GSTZ1: variants seen among roughly 807,000 people sequenced by gnomAD.
GSTZ1 encodes glutathione S-transferase zeta 1.
GSTZ1 carries 34 observed loss-of-function variants against 35.9 expected under a neutral mutation model. That is an observed-to-expected ratio of 0.95 (90% CI 0.72 to 1.26). GSTZ1 has a LOEUF of 1.26. Among genes scored for constraint, GSTZ1 ranks in the 50% most tolerant of loss-of-function variants. GSTZ1 has a pLI of 0.00. For missense variants in GSTZ1, 263 were observed against 271.7 expected, an observed-to-expected ratio of 0.97 and a Z score of 0.23; for synonymous variants, 93 against 101.2, an observed-to-expected ratio of 0.92 and a Z score of 0.49.
In GSTZ1 at chr14:77,324,892, G is replaced by A. The variant is rs776512156; in HGVS notation, c.38G>A (p.Arg13Gln). ...AGKPILYSYFRSSCSWRVRIA... is the reference protein window; with the variant it reads ...AGKPILYSYFQSSCSWRVRIA... Reference sequence around the variant, plus strand: ...CAGCCCATCCTCTATTCCTATTTCCGAAGCTCCTGCTCATGGAGAGTTCGA... The same window carrying A: ...CAGCCCATCCTCTATTCCTATTTCCAAAGCTCCTGCTCATGGAGAGTTCGA... The change falls in exon 2 of 9, where the codon CGA (arginine) becomes CAA (glutamine). Residue 13 changes from arginine (R) to glutamine (Q), a missense_variant. Physicochemically the swap from Arg to Gln is conservative, Grantham distance 43. Coordinates refer to ENST00000216465, the MANE Select transcript of GSTZ1 (RefSeq NM_145870.3). The A allele has an allele frequency of 2.4e-5, 38 of 1,613,920 alleles. No homozygotes were observed. Among genetic ancestry groups the A allele is most frequent in the South Asian group, 2.0e-4 (18 of 91,080 alleles).
At chr14:77,329,677 C>G (rs1368584934) in intron 6 of GSTZ1, 78 bp from the exon 7 acceptor site, 1 of 1,137,048 alleles carries the variant, frequency 8.8e-7, no homozygotes, top group African/African-American at 1.5e-5. Flanking sequence ...CATTTCATAA[C>G]TATGGAGGCC....
chr14:77,330,543 G>A (rs1266453388), intron 8 of GSTZ1, among the ~76,000 whole-genome samples, 184 bp downstream of exon 8: 4 of 152,096 alleles, frequency 2.6e-5, no homozygotes, highest in Admixed American at 6.6e-5. Context: ...CTCCTACTAC[G>A]CCCACCACAG....
chr14:77,330,047 G>A (rs1284090809), intron 7 of GSTZ1: 12 of 655,500 alleles, frequency 1.8e-5, no homozygotes, highest in Admixed American at 4.2e-5. Flanking sequence ...TGATGTCTGC[G>A]CAGTCAAGGC....
At chr14:77,325,049 G>GA (rs1452065088) in intron 2 of GSTZ1, 128 bp downstream of exon 2, 1 of 750,450 alleles carries the variant, frequency 1.3e-6, no homozygotes, top group African/African-American at 1.7e-5. Flanking sequence ...CCAGCAACCA[G>GA]CATCCCCCGG....
chr14:77,329,854 C>T (rs1395385326), intron 7 of GSTZ1, 47 bp downstream of exon 7: 9 of 1,425,412 alleles, frequency 6.3e-6, no homozygotes, highest in Non-Finnish European at 8.9e-6. Context: ...GTGGCTGCCT[C>T]CCTCATGCTG....
intron 1 of GSTZ1, 88 bp downstream of exon 1, chr14:77,321,271 C>G (rs1409211968): frequency 1.3e-6 from 2 of 1,523,844 alleles, no homozygotes; most frequent in African/African-American, 1.4e-5. Flanking sequence ...GCACCGCCCG[C>G]CCAGGCCGAC....
intron 5 of GSTZ1, 193 bp downstream of exon 5, chr14:77,328,230 C>T (rs1301700307): frequency 4.0e-5 from 24 of 606,960 alleles, no homozygotes; most frequent in Non-Finnish European, 4.6e-5. Context: ...GCGGGTCCCC[C>T]GCTGCGTTCC....
At chr14:77,329,265 G>C in intron 6 of GSTZ1, 64 bp downstream of exon 6, 6 of 1,070,842 alleles carry the variant, frequency 5.6e-6, no homozygotes, top group Non-Finnish European at 8.8e-6. Flanking sequence ...CTCGCACACA[G>C]GGGCCTGGGT....
At chr14:77,322,096 G>A (rs878961875) in intron 1 of GSTZ1, among the ~76,000 whole-genome samples, 1 of 152,156 alleles carries the variant, frequency 6.6e-6, no homozygotes, top group African/African-American at 2.4e-5. Flanking sequence ...TGGCACTAAG[G>A]AAGGTGGCAC....
Position 77,331,117 on chromosome 14 carries a change from G to A in GSTZ1, c.573G>A (p.Lys191=), listed in dbSNP as rs1352917639. ...TPYPTISSIN[K]RLLVLEAFQV... is the part of the protein sequence containing the mutation. Reference sequence around the variant, plus strand: ...ACCCTACCATCAGCTCCATCAACAAGAGGCTGCTGGTCTTGGAGGCCTTCC... The same window carrying A: ...ACCCTACCATCAGCTCCATCAACAAAAGGCTGCTGGTCTTGGAGGCCTTCC... Residue 191 remains lysine, a synonymous_variant, in exon 9 of 9, where the codon AAG becomes AAA. Coordinates refer to ENST00000216465, the MANE Select transcript of GSTZ1 (RefSeq NM_145870.3). 1 of 1,614,048 alleles carries A rather than the reference G, an allele frequency of 6.2e-7. No individual in the cohort carries two copies. Among genetic ancestry groups the A allele is most frequent in the Admixed American group, 1.7e-5 (1 of 60,028 alleles).
chr14:77,329,316 G>A (rs1892491117), intron 6 of GSTZ1, 115 bp downstream of exon 6: 3 of 764,622 alleles, frequency 3.9e-6, no homozygotes, highest in Non-Finnish European at 7.0e-6. Flanking sequence ...CCTGACAGTT[G>A]CATGGATGAG....
At position 77,324,882 on chromosome 14, in the gene GSTZ1, T is replaced by C. The variant is rs1304500654; in HGVS notation, c.28T>C (p.Ser10Pro). The change falls in exon 2 of 9, where the codon TCC becomes CCC. Residue 10 changes from serine (S) to proline (P), a missense_variant. Transcript: ENST00000216465. MQAGKPILY[S>P]YFRSSCSWRV... ...TCTCTCTCCTCAGCCCATCCTCTAT[T>C]CCTATTTCCGAAGCTCCTGCTCATG... The C allele has an allele frequency of 6.2e-7, 1 of 1,614,082 alleles. No homozygotes were observed.
At chr14:77,326,063 GC>G (rs1892299855) in intron 2 of GSTZ1, 1 of 152,368 alleles carries the variant, frequency 6.6e-6, no homozygotes, top group Admixed American at 6.5e-5. Context: ...TCATTCCTTT[GC>G]CCTTCCCTGA....
rs151221873 is a variant in GSTZ1, at chr14:77,327,901, C to T, written c.217-11C>T. ...GGCCCTCTCCCTGCCTCACTGCTCC[C>T]CTCTGGACAGCTGGCCATCATTGAG... is the stretch of plus-strand genomic sequence containing the variant. On this transcript the variant is annotated splice_polypyrimidine_tract_variant and intron_variant, in intron 4 of 8. Coordinates refer to ENST00000216465, the MANE Select transcript of GSTZ1 (RefSeq NM_145870.3). The T allele has an allele frequency of 1.2e-4, 189 of 1,613,776 alleles. 1 individual carries two copies. In the East Asian group the frequency reaches 3.2e-3, roughly 27 times the overall value.
chr14:77,324,800 G>C, intron 1 of GSTZ1, 70 bp from the exon 2 acceptor site: 1 of 1,455,868 alleles, frequency 6.9e-7, no homozygotes, highest in East Asian at 2.3e-5. Flanking sequence ...AGGAAGAAAT[G>C]GTTGACTCCT....
chr14:77,321,635 G>A (rs746846314), intron 1 of GSTZ1: 279 of 746,964 alleles, frequency 3.7e-4, no homozygotes, highest in Non-Finnish European at 4.8e-4. Context: ...TGTAATCCCA[G>A]CACTTTGGGA....
intron 2 of GSTZ1, chr14:77,326,125 C>G (rs559822653): frequency 1.3e-5 from 2 of 152,408 alleles, no homozygotes; most frequent in South Asian, 4.1e-4. Flanking sequence ...TACACACATG[C>G]ATGCACACGC....
chr14:77,324,152 CTTT>C (rs11287763), intron 1 of GSTZ1: 103 of 117,880 alleles, frequency 8.7e-4, no homozygotes, highest in South Asian at 1.4e-3. Context: ...AAAAAAATGC[CTTT>C]TTTTTTTTTT....
At chr14:77,324,732 C>A in intron 1 of GSTZ1, 138 bp from the exon 2 acceptor site, 1 of 1,143,792 alleles carries the variant, frequency 8.7e-7, no homozygotes, top group Non-Finnish European at 1.3e-6. Flanking sequence ...TCTCAGAGAG[C>A]TTGGAGTCTG....
Sources: allele counts gnomAD v4.1 joint callset (sites outside exome capture counted in the v4.1 genomes callset), GRCh38; gene constraint gnomAD v4.1.1; transcripts MANE v1.5; gene names NCBI Gene and HGNC (gene_info 2026-07-23, HGNC 2026-07-21).